Variants in NKAIN2 observed in about 807,000 individuals in gnomAD.
The protein encoded by NKAIN2 is sodium/potassium-transporting ATPase subunit beta-1-interacting protein 2.
Under a neutral mutation model 32.6 loss-of-function variants are expected in NKAIN2, and 14 were observed. The ratio of observed to expected loss-of-function variants is 0.43; its 90% CI spans 0.28 to 0.67. The LOEUF is 0.67. NKAIN2 is among the 30% of genes least tolerant of loss of function. NKAIN2 has a pLI of 0.17. For synonymous variants in NKAIN2, 80 were observed against 87.2 expected (o/e 0.92, Z 0.46); for missense variants, 198 against 258.3 (o/e 0.77, Z 1.60).
intron 3 of NKAIN2, among the ~76,000 whole-genome samples, chr6:124,508,634 C>T (rs1193492038): frequency 6.6e-6 from 1 of 152,042 alleles, no homozygotes; most frequent in African/African-American, 2.4e-5. Context: ...TGAGCCACCA[C>T]GCCTGGCCAT....
chr6:124,761,737 A>C (rs1041619681), intron 4 of NKAIN2, among the ~76,000 whole-genome samples: 1 of 152,192 alleles, frequency 6.6e-6, no homozygotes. Context: ...GCATGTTGCA[A>C]CATTTGTCAT....
At chr6:124,784,761 A>G (rs1019469464) in intron 4 of NKAIN2, among the ~76,000 whole-genome samples, 16 of 152,138 alleles carry the variant, frequency 1.1e-4, no homozygotes, top group South Asian at 4.1e-4. Context: ...TAGGAGTGCA[A>G]TTGCTGGATC....
At chr6:124,668,416 A>G (rs1034663658) in intron 4 of NKAIN2, among the ~76,000 whole-genome samples, 27 of 152,228 alleles carry the variant, frequency 1.8e-4, no homozygotes, top group African/African-American at 6.3e-4. Context: ...CTTATCATCA[A>G]CAACGTTATA....
intron 1 of NKAIN2, among the ~76,000 whole-genome samples, chr6:124,012,493 G>A (rs1171843041): frequency 2.0e-5 from 3 of 151,756 alleles, no homozygotes; most frequent in East Asian, 1.9e-4. Flanking sequence ...CTGCCACCAC[G>A]CCTGGCTAAT....
chr6:124,563,628 A>G (rs893946501), intron 3 of NKAIN2, among the ~76,000 whole-genome samples: 3 of 152,146 alleles, frequency 2.0e-5, no homozygotes, highest in African/African-American at 7.2e-5. Context: ...ACAACTGTCC[A>G]TGAGAATGCA....
At chr6:124,708,122 T>C (rs1225318141) in intron 4 of NKAIN2, among the ~76,000 whole-genome samples, 1 of 148,710 alleles carries the variant, frequency 6.7e-6, no homozygotes, top group Admixed American at 6.7e-5. Flanking sequence ...TGCTTGTTTT[T>C]CTCAGGTTTG....
intron 1 of NKAIN2, among the ~76,000 whole-genome samples, chr6:123,814,767 G>A (rs1376267438): frequency 1.3e-5 from 2 of 152,068 alleles, no homozygotes; most frequent in East Asian, 3.9e-4. Context: ...CCTACTGGTA[G>A]GCCCATCTTT....
In NKAIN2 at chr6:123,938,146, A is replaced by G. The variant is rs997891242; in HGVS notation, c.54+133892A>G. 1.3e-4 allele frequency among the ~76,000 whole-genome samples: 19 copies of G among 151,992 alleles called. 2 individuals are homozygous for G. Among genetic ancestry groups the G allele is most frequent in the Admixed American group, 1.1e-3 (16 of 15,190 alleles). On this transcript the variant is annotated intron_variant, in intron 1 of 6. Transcript: ENST00000368417. ...GCTAGCTGAATTTTCTGTCACTTGC[A>G]GTCTAATGCATTGCTAAATAAGATT...
At chr6:124,095,532 A>ATT (rs1784614020) in intron 1 of NKAIN2, among the ~76,000 whole-genome samples, 1 of 152,082 alleles carries the variant, frequency 6.6e-6, no homozygotes, top group East Asian at 1.9e-4. Flanking sequence ...CAGAATATGG[A>ATT]TTTTGCTCCT....
intron 1 of NKAIN2, among the ~76,000 whole-genome samples, chr6:124,216,219 CA>C (rs1791471973): frequency 6.6e-6 from 1 of 151,552 alleles, no homozygotes; most frequent in African/African-American, 2.4e-5. Flanking sequence ...GCGAGGATTT[CA>C]AAAAATTAAG....
At chr6:124,495,054 T>C (rs1476073906) in intron 3 of NKAIN2, among the ~76,000 whole-genome samples, 4 of 152,138 alleles carry the variant, frequency 2.6e-5, no homozygotes, top group Admixed American at 6.6e-5. Flanking sequence ...GCCTATTAAC[T>C]ATAATTGACT....
chr6:123,944,021 A>G (rs1040645962), intron 1 of NKAIN2, among the ~76,000 whole-genome samples: 1 of 152,140 alleles, frequency 6.6e-6, no homozygotes, highest in African/African-American at 2.4e-5. Context: ...ATTGATTCCA[A>G]AGGGAGTCTT....
chr6:124,150,117 C>A (rs146929531), intron 1 of NKAIN2, among the ~76,000 whole-genome samples: 32 of 152,222 alleles, frequency 2.1e-4, no homozygotes, highest in South Asian at 1.7e-3. Flanking sequence ...TATTCTCCCC[C>A]CTGGGCTCTG....
intron 1 of NKAIN2, among the ~76,000 whole-genome samples, chr6:124,254,658 C>T (rs1163335515): frequency 2.0e-5 from 3 of 152,058 alleles, no homozygotes; most frequent in South Asian, 2.1e-4. Context: ...AGTCTTATTA[C>T]ATTACTTCAT....
intron 1 of NKAIN2, among the ~76,000 whole-genome samples, chr6:124,056,739 T>C (rs923320478): frequency 1.1e-4 from 17 of 152,020 alleles, no homozygotes; most frequent in African/African-American, 4.1e-4. Context: ...TATATTTTGT[T>C]CTACATACTG....
chr6:123,917,525 A>G (rs989978428), intron 1 of NKAIN2, among the ~76,000 whole-genome samples: 3 of 152,206 alleles, frequency 2.0e-5, no homozygotes, highest in Non-Finnish European at 4.4e-5. Context: ...ATTTGCAACT[A>G]TGTCGTAGCA....
intron 3 of NKAIN2, among the ~76,000 whole-genome samples, chr6:124,590,763 C>CGGGA (rs969565354): frequency 4.2e-5 from 6 of 141,994 alleles, no homozygotes; most frequent in African/African-American, 1.5e-4. Context: ...TGAAGAAAAA[C>CGGGA]GGGACCTTCT....
chr6:124,475,799 T>C (rs917189280), intron 3 of NKAIN2, among the ~76,000 whole-genome samples: 3 of 152,220 alleles, frequency 2.0e-5, no homozygotes, highest in African/African-American at 7.2e-5. Flanking sequence ...TAAAATTTAT[T>C]TCTTTCCCGA....
chr6:124,242,199 A>G (rs1349301029), intron 1 of NKAIN2, among the ~76,000 whole-genome samples: 2 of 152,340 alleles, frequency 1.3e-5, no homozygotes, highest in East Asian at 3.9e-4. Flanking sequence ...ACAAATTTAC[A>G]AGAAAAAAAC....
Sources: gnomAD v4.1 joint callset for allele counts (sites outside exome capture counted in the v4.1 genomes callset) on GRCh38, gnomAD v4.1.1 for gene constraint, MANE v1.5 for transcripts, NCBI Gene and HGNC (gene_info 2026-07-23, HGNC 2026-07-21) for gene names.